SMARCC2: variants seen among roughly 807,000 people sequenced by gnomAD.
The protein encoded by SMARCC2 is SWI/SNF related BAF chromatin remodeling complex subunit C2.
A neutral mutation model predicts 151.3 loss-of-function variants in SMARCC2; 15 were observed. That is an observed-to-expected ratio of 0.10 (90% CI 0.07 to 0.15). The LOEUF (loss-of-function observed/expected upper bound fraction) is 0.15, where lower values mean the gene tolerates loss of function less well. SMARCC2 is among the 10% of genes least tolerant of loss of function. The pLI, the probability that SMARCC2 is intolerant of heterozygous loss-of-function variation, is 1.00. For synonymous variants in SMARCC2, 590 were observed against 609.5 expected, an observed-to-expected ratio of 0.97 and a Z score of 0.47; for missense variants, 1,031 against 1,599.7, an observed-to-expected ratio of 0.64 and a Z score of 6.06.
In SMARCC2 at chr12:56,169,886, A is replaced by G. The variant is rs769745026; in HGVS notation, c.2438T>C (p.Ile813Thr). Residue 813 changes from isoleucine to threonine, a missense_variant, in exon 24 of 29, where the codon ATA (isoleucine) becomes ACA (threonine). Coordinates refer to ENST00000550164, the MANE Select transcript of SMARCC2 (RefSeq NM_001330288.2). Reference sequence around the variant, plus strand: ...GGTTTTCTCTTTTGCTTCCTCCTCTATAGCACCCCCTCCTTCTCGGGGTTC... The same window carrying G: ...GGTTTTCTCTTTTGCTTCCTCCTCTGTAGCACCCCCTCCTTCTCGGGGTTC... ...PKEPREGGGA[I>T]EEEAKEKTSE... 1.9e-6 allele frequency: 3 copies of G among 1,613,056 alleles called. No individual in the cohort carries two copies. Among genetic ancestry groups the G allele is most frequent in the African/African-American group, 1.3e-5 (1 of 74,690 alleles).
chr12:56,176,890 C>T (rs1194895162), intron 15 of SMARCC2, among the ~76,000 whole-genome samples: 3 of 151,882 alleles, frequency 2.0e-5, no homozygotes, highest in South Asian at 2.1e-4. Context: ...GGCGTAATCT[C>T]GGCTCACTGC....
intron 7 of SMARCC2, 192 bp downstream of exon 7, chr12:56,183,669 T>C (rs1447679044): frequency 1.9e-6 from 1 of 514,468 alleles, no homozygotes; most frequent in Admixed American, 3.6e-5. Context: ...AAAGCCTCAA[T>C]CCTTTTAGCC....
Position 56,171,616 on chromosome 12 carries a change from C to T in SMARCC2, c.2185+63G>A. On this transcript the variant is annotated intron_variant, in intron 21 of 28. Coordinates refer to ENST00000550164, the MANE Select transcript of SMARCC2 (RefSeq NM_001330288.2). The surrounding 1 kb of genome is among the most constrained non-coding windows in gnomAD (Gnocchi z 4.2). Reference sequence around the variant, plus strand: ...AGCCAAACTTGAGAGGATTCACAGTCTGAGTAACTAGCCCTTCAAAAGCAA... The same window carrying T: ...AGCCAAACTTGAGAGGATTCACAGTTTGAGTAACTAGCCCTTCAAAAGCAA... The T allele has an allele frequency of 1.3e-6, 2 of 1,518,186 alleles. No homozygotes were observed. The highest frequency in any genetic ancestry group is 2.6e-5 in the South Asian group (2 of 76,052). 94.0% of individuals were successfully genotyped at this position (1,518,186 alleles called of 1,614,324 possible).
rs140563008 is a variant in SMARCC2 at position 56,183,522 on chromosome 12, A to G, written c.632+339T>C. The G allele has an allele frequency of 7.0e-4, 133 of 188,888 alleles. 1 individual carries two copies. Among genetic ancestry groups the G allele is most frequent in the African/African-American group, 3.0e-3 (126 of 42,568 alleles). The allele number at this position is 188,888 out of a possible 1,614,324, so 11.7% of individuals were successfully genotyped here. On this transcript the variant is annotated intron_variant, in intron 7 of 28. Coordinates refer to ENST00000550164, the MANE Select transcript of SMARCC2 (RefSeq NM_001330288.2). ...TATTCACTTATAAATTATCCATGTT[A>G]TATCACTTTAAAGACTGCATAATAG...
chr12:56,172,556 TA>T, intron 19 of SMARCC2, 28 bp downstream of exon 19: 1 of 1,613,966 alleles, frequency 6.2e-7, no homozygotes, highest in South Asian at 1.1e-5. Context: ...GAACATTCTC[TA>T]CCCCTAGAGT....
In SMARCC2 at chr12:56,165,906, T is replaced by C. The variant is rs544759469; in HGVS notation, c.2851-207A>G. On this transcript the variant is annotated intron_variant, in intron 26 of 28. Coordinates refer to ENST00000550164, the MANE Select transcript of SMARCC2 (RefSeq NM_001330288.2). Reference sequence around the variant, plus strand: ...CCTTTATGTCTCCTGAGTGCCCACATGGTTTCTTATTGCAATGACTTTAAC... The same window carrying C: ...CCTTTATGTCTCCTGAGTGCCCACACGGTTTCTTATTGCAATGACTTTAAC... Among the ~76,000 whole-genome samples, 86 of 152,354 alleles carry C rather than the reference T, an allele frequency of 5.6e-4. No homozygotes were observed. The Middle Eastern group carries it at 0.01, about 18-fold the overall frequency.
Position 56,169,555 on chromosome 12 carries a change from G to A in SMARCC2, c.2689C>T (p.Leu897=), listed in dbSNP as rs1873504187. Residue 897 remains leucine (L), a synonymous_variant, in exon 25 of 29, where the codon CTG becomes TTG. Coordinates refer to ENST00000550164, the MANE Select transcript of SMARCC2 (RefSeq NM_001330288.2). ...TTAGCTTTCACTGCGGCGGCGGCCA[G>A]GGCGGCGGCAGCAGCGGTGGAGAGG... The part of the protein sequence containing the change: ...GNLSTAAAAA[L]AAAAVKAKHL... 1 of 1,614,066 alleles carries A rather than the reference G, an allele frequency of 6.2e-7. No homozygotes were observed. Among genetic ancestry groups the A allele is most frequent in the African/African-American group, 1.3e-5 (1 of 74,946 alleles).
Position 56,171,025 on chromosome 12 carries a change from C to T in SMARCC2, c.2347+246G>A, listed in dbSNP as rs563913264. On this transcript the variant is annotated intron_variant, in intron 22 of 28. Coordinates refer to ENST00000550164, the MANE Select transcript of SMARCC2 (RefSeq NM_001330288.2). The surrounding 1 kb of genome is among the most constrained non-coding windows in gnomAD (Gnocchi z 4.2). Reference sequence around the variant, plus strand: ...AGATTACAGGCATGAGCCACTGCGCCCGGCCTTCACAAGACTTTTCTAACA... The same window carrying T: ...AGATTACAGGCATGAGCCACTGCGCTCGGCCTTCACAAGACTTTTCTAACA... Among the ~76,000 whole-genome samples, 3 of 152,282 alleles carry T rather than the reference C, an allele frequency of 2.0e-5. No homozygotes were observed. The highest frequency in any genetic ancestry group is 4.4e-5 in the Non-Finnish European group (3 of 68,028).
chr12:56,183,603 G>A (rs1876677626), intron 7 of SMARCC2: 1 of 379,342 alleles, frequency 2.6e-6, no homozygotes, highest in Non-Finnish European at 4.8e-6. Context: ...TAGACATTTA[G>A]ATTGTTTCTA....
chr12:56,173,131 G>T, intron 17 of SMARCC2, 102 bp from the exon 18 acceptor site: 1 of 904,766 alleles, frequency 1.1e-6, no homozygotes, highest in East Asian at 2.6e-5. Context: ...CAAGCTCTGG[G>T]GGCACTCATG....
At chr12:56,167,926 C>G in intron 26 of SMARCC2, 134 bp downstream of exon 26, 1 of 1,017,824 alleles carries the variant, frequency 9.8e-7, no homozygotes, top group Non-Finnish European at 1.4e-6. Context: ...GCTTTCCCCA[C>G]TGTTGCTTAT....
chr12:56,169,916 A>C lies in SMARCC2; in HGVS notation c.2413-5T>G. The C allele has an allele frequency of 6.2e-7, 1 of 1,613,050 alleles. No individual in the cohort carries two copies. The highest frequency in any genetic ancestry group is 8.5e-7 in the Non-Finnish European group (1 of 1,179,700). ...ACCCCCTCCTTCTCGGGGTTCCTGA[A>C]ATTCCAGTGATAGAAAAGGAGAGTT... On this transcript the variant is annotated splice_polypyrimidine_tract_variant and splice_region_variant and intron_variant, in intron 23 of 28. Transcript: ENST00000550164.
intron 15 of SMARCC2, among the ~76,000 whole-genome samples, chr12:56,176,317 C>T (rs987373568): frequency 6.6e-6 from 1 of 152,162 alleles, no homozygotes; most frequent in Non-Finnish European, 1.5e-5. Flanking sequence ...AGAAAAAACA[C>T]GGAGGGACCC....
chr12:56,177,010 G>A (rs1460560758), intron 15 of SMARCC2, among the ~76,000 whole-genome samples: 32 of 151,852 alleles, frequency 2.1e-4, no homozygotes, highest in Admixed American at 2.0e-3. Flanking sequence ...TAGTAGAGAC[G>A]GGGTTTCTCC....
In SMARCC2 at chr12:56,164,945, G is replaced by A. The variant is rs572162057; in HGVS notation, c.3233-214C>T. The stretch of plus-strand genomic sequence containing the variant: ...TGGTACTACATGTACGCACCACCAC[G>A]CCCAGCTAATTTTTGTATTTTTACT... On this transcript the variant is annotated intron_variant, in intron 27 of 28. Transcript: ENST00000550164. Among the ~76,000 whole-genome samples, 6 of 152,072 alleles carry A rather than the reference G, an allele frequency of 3.9e-5. No individual in the cohort carries two copies. In the South Asian group the frequency reaches 1.0e-3, roughly 26 times the overall value.
chr12:56,164,556 G>A lies in SMARCC2; in HGVS notation c.3408C>T (p.Ser1136=). 1 of 1,614,098 alleles carries A rather than the reference G, an allele frequency of 6.2e-7. No individual in the cohort carries two copies. Residue 1136 remains serine (S), a synonymous_variant, in exon 28 of 29, where the codon TCC becomes TCT. Transcript: ENST00000550164. ...SIIPFGSLAD[S]ISINLPAPPN... is the part of the protein sequence containing the mutation. Reference sequence around the variant, plus strand: ...GAGGAGCGGGGAGGTTAATACTGATGGAGTCAGCTAGACTACCAAATGGGA... The same window carrying A: ...GAGGAGCGGGGAGGTTAATACTGATAGAGTCAGCTAGACTACCAAATGGGA...
chr12:56,184,755 C>T, intron 5 of SMARCC2, 89 bp downstream of exon 5: 1 of 782,992 alleles, frequency 1.3e-6, no homozygotes, highest in South Asian at 1.5e-5. Flanking sequence ...AAGCAGAAAA[C>T]ATGGTAATTC....
intron 22 of SMARCC2, among the ~76,000 whole-genome samples, chr12:56,170,724 CTTTT>C (rs36061638): frequency 5.5e-5 from 5 of 90,924 alleles, no homozygotes; most frequent in East Asian, 2.9e-4. Flanking sequence ...CTTCACAAGA[CTTTT>C]TTTTTTTTTT....
At position 56,184,923 on chromosome 12, in the gene SMARCC2, G is replaced by A; in HGVS notation, c.413C>T (p.Ser138Phe). ...EKSLVQNNCL[S>F]RPNIFLCPEI... ...TGGGCACAGAAAAATGTTAGGTCGAGACAGGCAATTATTCTGTGGAGAGAA... is the reference window on the plus strand; with the variant it reads ...TGGGCACAGAAAAATGTTAGGTCGAAACAGGCAATTATTCTGTGGAGAGAA... The change falls in exon 5 of 29, where the codon TCT becomes TTT. Residue 138 changes from serine (S) to phenylalanine (F), a missense_variant. Physicochemically the swap from Ser to Phe is radical, Grantham distance 155 (BLOSUM62 -2). Coordinates refer to ENST00000550164, the MANE Select transcript of SMARCC2 (RefSeq NM_001330288.2). 6.2e-7 allele frequency: 1 copy of A among 1,612,794 alleles called. No individual in the cohort carries two copies. Among genetic ancestry groups the A allele is most frequent in the African/African-American group, 1.3e-5 (1 of 75,010 alleles).
Sources: allele counts gnomAD v4.1 joint callset (sites outside exome capture counted in the v4.1 genomes callset), GRCh38; gene constraint gnomAD v4.1.1; non-coding constraint Gnocchi (gnomAD v3.1); transcripts MANE v1.5; gene names NCBI Gene and HGNC (gene_info 2026-07-23, HGNC 2026-07-21).